The following PGPEP1 variants were observed in gnomAD, a reference collection of about 807,000 sequenced individuals.
PGPEP1 encodes the protein pyroglutamyl-peptidase I, also known as pyroglutamyl-peptidase 1.
PGPEP1 carries 15 observed loss-of-function variants against 24.1 expected under a neutral mutation model. The ratio of observed to expected loss-of-function variants is 0.62; its 90% CI spans 0.42 to 0.96. The LOEUF is 0.96. PGPEP1 is among the 40% of genes least tolerant of loss of function. The pLI, the probability that PGPEP1 is intolerant of heterozygous loss-of-function variation, is 0.00. For missense variants in PGPEP1, 242 were observed against 273.4 expected, an observed-to-expected ratio of 0.89 and a Z score of 0.81; for synonymous variants, 122 against 116.4, an observed-to-expected ratio of 1.05 and a Z score of -0.31.
chr19:18,358,364 G>A (rs1397850588), intron 4 of PGPEP1, among the ~76,000 whole-genome samples: 5 of 145,310 alleles, frequency 3.4e-5, no homozygotes, highest in East Asian at 2.1e-4. Flanking sequence ...GGGTTCAAGC[G>A]GTTCTCCTGC....
intron 2 of PGPEP1, among the ~76,000 whole-genome samples, chr19:18,344,639 G>A (rs1168582537): frequency 6.6e-6 from 1 of 151,036 alleles, no homozygotes; most frequent in East Asian, 1.9e-4. Flanking sequence ...TGGAGGGACG[G>A]GGTCCCGGGA....
At position 18,340,638 on chromosome 19, in the gene PGPEP1, C is replaced by CCAGTCGCAA; in HGVS notation, c.-40_-32dup. 2.0e-6 allele frequency: 3 copies of CCAGTCGCAA among 1,507,764 alleles called. No homozygotes were observed. The highest frequency in any genetic ancestry group is 2.7e-6 in the Non-Finnish European group (3 of 1,129,208). The allele number at this position is 1,507,764 out of a possible 1,614,324, so 93.4% of individuals were successfully genotyped here. ...GGCTGCAGCGGCAGCAGCTGTCGCG[C>CCAGTCGCAA]CAGTCGCAACAGAAGCAGGTCCGAG... On this transcript the variant is annotated 5_prime_UTR_variant, in exon 1 of 5. Coordinates refer to ENST00000269919, the MANE Select transcript of PGPEP1 (RefSeq NM_017712.4).
intron 2 of PGPEP1, among the ~76,000 whole-genome samples, chr19:18,352,874 A>C (rs1322455255): frequency 6.7e-6 from 1 of 149,474 alleles, no homozygotes; most frequent in African/African-American, 2.5e-5. Flanking sequence ...CTATTATTCA[A>C]CTTTTTCTGG....
intron 2 of PGPEP1, among the ~76,000 whole-genome samples, chr19:18,344,220 A>G (rs550057605): frequency 1.3e-5 from 2 of 152,122 alleles, no homozygotes; most frequent in African/African-American, 4.8e-5. Flanking sequence ...GGAGGAAAAG[A>G]TGGCATATTA....
intron 4 of PGPEP1, chr19:18,357,842 A>G: frequency 1.8e-6 from 1 of 556,750 alleles, no homozygotes; most frequent in South Asian, 2.0e-5. Context: ...CAAGGCCCCC[A>G]GCATCTCCCA....
rs773866142 is a variant in PGPEP1, at chr19:18,355,950, C to T, written c.143C>T (p.Pro48Leu). Residue 48 changes from proline (P) to leucine (L), a missense_variant, in exon 3 of 5, where the codon CCG becomes CTG. Physicochemically the swap from Pro to Leu is moderately conservative, Grantham distance 98. Coordinates refer to ENST00000269919, the MANE Select transcript of PGPEP1 (RefSeq NM_017712.4). ...DSVDLHVYEIPVEYQTVQRLI... is the reference protein window; with the variant it reads ...DSVDLHVYEILVEYQTVQRLI... ...GTGGACCTGCATGTGTACGAGATTC[C>T]GGTTGAGTACCAAACAGTCCAGAGA... 6.2e-7 allele frequency: 1 copy of T among 1,613,542 alleles called. No individual in the cohort carries two copies. Among genetic ancestry groups the T allele is most frequent in the Non-Finnish European group, 8.5e-7 (1 of 1,179,604 alleles).
Position 18,366,785 on chromosome 19 carries a change from T to G in PGPEP1, c.*3202T>G, listed in dbSNP as rs1971563825. On this transcript the variant is annotated 3_prime_UTR_variant, in exon 5 of 5. Coordinates refer to ENST00000269919, the MANE Select transcript of PGPEP1 (RefSeq NM_017712.4). ...TGCGCCTGGCCAAGTTTTTTACAAA[T>G]ATTTTTCTTTTGGTGGAACTCATCT... 1 of 151,990 alleles carries G rather than the reference T, an allele frequency of 6.6e-6. No homozygotes were observed. The highest frequency in any genetic ancestry group is 6.6e-5 in the Admixed American group (1 of 15,240). 9.4% of individuals were successfully genotyped at this position (151,990 alleles called of 1,614,324 possible). A position where few individuals can be genotyped will look rare whatever the true frequency, so the allele number is the denominator to read the frequency against.
chr19:18,357,368 C>A lies in PGPEP1; in HGVS notation c.205-15C>A, dbSNP rs373546398. On this transcript the variant is annotated splice_polypyrimidine_tract_variant and intron_variant, in intron 3 of 4. Coordinates refer to ENST00000269919, the MANE Select transcript of PGPEP1 (RefSeq NM_017712.4). Reference sequence around the variant, plus strand: ...CGGGCAGGCCATGTTAAGTCCTGCCCCTGTCTGTGTGCAGCTGGTGGTGCA... The same window carrying A: ...CGGGCAGGCCATGTTAAGTCCTGCCACTGTCTGTGTGCAGCTGGTGGTGCA... 1.8e-5 allele frequency: 29 copies of A among 1,606,862 alleles called. No individual in the cohort carries two copies. The African/African-American group carries it at 3.5e-4, about 19-fold the overall frequency.
rs772501693 is a variant in PGPEP1, at chr19:18,355,946, A to G, written c.139A>G (p.Ile47Val). 1 of 1,613,740 alleles carries G rather than the reference A, an allele frequency of 6.2e-7. No homozygotes were observed. Among genetic ancestry groups the G allele is most frequent in the Admixed American group, 1.7e-5 (1 of 59,992 alleles). ...GDSVDLHVYE[I>V]PVEYQTVQRL... ...CAGCGTGGACCTGCATGTGTACGAG[A>G]TTCCGGTTGAGTACCAAACAGTCCA... The change falls in exon 3 of 5, where the codon ATT (isoleucine) becomes GTT (valine). Residue 47 changes from isoleucine (I) to valine (V), a missense_variant. Ile to Val is a conservative substitution (Grantham distance 29, BLOSUM62 3). Coordinates refer to ENST00000269919, the MANE Select transcript of PGPEP1 (RefSeq NM_017712.4).
At chr19:18,344,600 T>TTC (rs1465631534) in intron 2 of PGPEP1, among the ~76,000 whole-genome samples, 1 of 151,308 alleles carries the variant, frequency 6.6e-6, no homozygotes, top group African/African-American at 2.4e-5. Context: ...CTTTTTTTTT[T>TTC]TTCTTTCCTG....
At chr19:18,355,025 G>A (rs1971139013) in intron 2 of PGPEP1, among the ~76,000 whole-genome samples, 1 of 142,040 alleles carries the variant, frequency 7.0e-6, no homozygotes, top group Non-Finnish European at 1.5e-5. Context: ...CTGGAGTGCA[G>A]TGGCACAATC....
At chr19:18,340,770 G>A in intron 1 of PGPEP1, 55 bp downstream of exon 1, 3 of 1,340,560 alleles carry the variant, frequency 2.2e-6, no homozygotes, top group East Asian at 2.9e-5. Context: ...AGGCGGGGGC[G>A]GCTCCGGGAC....
intron 2 of PGPEP1, among the ~76,000 whole-genome samples, chr19:18,352,266 CAAAAA>C (rs60299417): frequency 0.024 from 1,036 of 43,672 alleles, 32 homozygotes; most frequent in African/African-American, 0.071. Flanking sequence ...GACTCCGTCT[CAAAAA>C]AAAAAAAAAA....
At chr19:18,341,789 C>T (rs1970676837) in intron 1 of PGPEP1, among the ~76,000 whole-genome samples, 1 of 152,150 alleles carries the variant, frequency 6.6e-6, no homozygotes, top group Non-Finnish European at 1.5e-5. Context: ...CAAACTTTGG[C>T]TGTACAGAAG....
intron 4 of PGPEP1, among the ~76,000 whole-genome samples, chr19:18,362,201 G>A (rs573814564): frequency 1.9e-4 from 29 of 151,924 alleles, no homozygotes; most frequent in Admixed American, 3.9e-4. Context: ...GAGGTCAGGC[G>A]TTCCAGACCT....
At chr19:18,350,880 G>T (rs1431911765) in intron 2 of PGPEP1, among the ~76,000 whole-genome samples, 1 of 152,168 alleles carries the variant, frequency 6.6e-6, no homozygotes, top group African/African-American at 2.4e-5. Flanking sequence ...AGCGCTGATG[G>T]CGCCACTGCA....
chr19:18,363,036 TG>T (rs552903704), intron 4 of PGPEP1, among the ~76,000 whole-genome samples: 1 of 95,108 alleles, frequency 1.1e-5, no homozygotes, highest in African/African-American at 4.0e-5. Flanking sequence ...TTTTTGTTTG[TG>T]TGTGTGTGTG....
intron 1 of PGPEP1, among the ~76,000 whole-genome samples, chr19:18,341,454 G>T (rs189252219): frequency 2.6e-5 from 4 of 152,116 alleles, no homozygotes; most frequent in Non-Finnish European, 5.9e-5. Context: ...GTCAAGGAGT[G>T]GGGGGGTCAT....
Position 18,367,487 on chromosome 19 carries a change from T to C in PGPEP1, c.*3904T>C, listed in dbSNP as rs1219962627. ...GCACCTGGTACCCTGACCAACTTGA[T>C]GATGGCATCTCTTTTAAGATGCCCA... On this transcript the variant is annotated 3_prime_UTR_variant, in exon 5 of 5. Transcript: ENST00000269919. 6.6e-6 allele frequency: 1 copy of C among 152,042 alleles called. No individual in the cohort carries two copies. The allele number at this position is 152,042 out of a possible 1,614,324, so 9.4% of individuals were successfully genotyped here.
Sources: allele counts gnomAD v4.1 joint callset (sites outside exome capture counted in the v4.1 genomes callset), GRCh38; gene constraint gnomAD v4.1.1; transcripts MANE v1.5; gene names NCBI Gene and HGNC (gene_info 2026-07-23, HGNC 2026-07-21).